The following PTPRK variants were observed in gnomAD, a reference collection of about 807,000 sequenced individuals.
PTPRK encodes the protein protein tyrosine phosphatase receptor type K.
In PTPRK, 75 loss-of-function variants were observed where a neutral mutation model predicts 178.0. The ratio of observed to expected loss-of-function variants is 0.42; its 90% confidence interval spans 0.35 to 0.51. The LOEUF is 0.51. PTPRK is among the 20% of genes least tolerant of loss of function. The pLI, the probability that PTPRK is intolerant of heterozygous loss-of-function variation, is 0.02. For missense variants in PTPRK, 1,441 were observed against 1,797.8 expected (o/e 0.80, Z 3.59); for synonymous variants, 637 against 620.6 (o/e 1.03, Z -0.39).
chr6:127,975,613 G>A (rs1774456174), intron 27 of PTPRK, among the ~76,000 whole-genome samples: 1 of 152,142 alleles, frequency 6.6e-6, no homozygotes, highest in Non-Finnish European at 1.5e-5. Context: ...TTTCATGAAA[G>A]TTACTAATGT....
intron 1 of PTPRK, 132 bp from the exon 2 acceptor site, chr6:128,397,820 T>C: frequency 2.4e-6 from 2 of 849,498 alleles, no homozygotes; most frequent in East Asian, 2.7e-5. Context: ...TACTCCTGTT[T>C]ATCACTATTC....
chr6:128,380,940 G>A (rs543177079), intron 2 of PTPRK, among the ~76,000 whole-genome samples: 3 of 152,272 alleles, frequency 2.0e-5, no homozygotes, highest in East Asian at 3.9e-4. Flanking sequence ...ATCTGTTTGT[G>A]CAACAGAATA....
chr6:128,064,548 G>C (rs768000346), intron 13 of PTPRK, among the ~76,000 whole-genome samples: 1 of 152,116 alleles, frequency 6.6e-6, no homozygotes, highest in Non-Finnish European at 1.5e-5. Context: ...AGGTTTTCTA[G>C]ATCTTTCCTG....
chr6:128,330,219 T>C (rs1210923737), intron 2 of PTPRK, among the ~76,000 whole-genome samples: 1 of 152,206 alleles, frequency 6.6e-6, no homozygotes, highest in Non-Finnish European at 1.5e-5. Context: ...AAATCATGAT[T>C]TGGGTCTCAG....
At chr6:128,156,907 C>T (rs992929737) in intron 7 of PTPRK, among the ~76,000 whole-genome samples, 1 of 151,850 alleles carries the variant, frequency 6.6e-6, no homozygotes, top group African/African-American at 2.4e-5. Flanking sequence ...CTGCCTGAGT[C>T]CTTTTAATAA....
intron 2 of PTPRK, among the ~76,000 whole-genome samples, chr6:128,375,916 G>A (rs1430448064): frequency 6.6e-6 from 1 of 152,176 alleles, no homozygotes; most frequent in Non-Finnish European, 1.5e-5. Context: ...TTGAATCCAT[G>A]TCTCACATCC....
At chr6:128,446,315 A>G (rs1177319394) in intron 1 of PTPRK, among the ~76,000 whole-genome samples, 3 of 152,238 alleles carry the variant, frequency 2.0e-5, no homozygotes, top group African/African-American at 7.2e-5. Context: ...AATAGAAGTC[A>G]TGGATTCCAA....
chr6:128,334,867 T>G (rs957476937), intron 2 of PTPRK, among the ~76,000 whole-genome samples: 1 of 152,064 alleles, frequency 6.6e-6, no homozygotes, highest in African/African-American at 2.4e-5. Flanking sequence ...AGGAGGACTG[T>G]TCACGAGGTC....
intron 1 of PTPRK, among the ~76,000 whole-genome samples, chr6:128,469,040 G>A (rs1850263468): frequency 2.0e-5 from 3 of 151,774 alleles, no homozygotes. Context: ...GAAGTATTTA[G>A]GTGATAGCAA....
chr6:128,103,354 C>T (rs557643763), intron 7 of PTPRK, among the ~76,000 whole-genome samples: 3 of 152,116 alleles, frequency 2.0e-5, no homozygotes, highest in Admixed American at 2.0e-4. Flanking sequence ...GGACACCAGA[C>T]AAAGACCCGG....
intron 2 of PTPRK, among the ~76,000 whole-genome samples, chr6:128,335,210 G>T (rs1197430755): frequency 6.6e-6 from 1 of 152,128 alleles, no homozygotes; most frequent in Non-Finnish European, 1.5e-5. Context: ...TCTTACTGAT[G>T]AAAATCTGAG....
At chr6:128,477,172 G>A (rs1159513299) in intron 1 of PTPRK, among the ~76,000 whole-genome samples, 1 of 152,034 alleles carries the variant, frequency 6.6e-6, no homozygotes, top group East Asian at 1.9e-4. Flanking sequence ...ATTTCAGGAA[G>A]CTAACAAATT....
intron 1 of PTPRK, among the ~76,000 whole-genome samples, chr6:128,398,451 T>C (rs1840626328): frequency 6.6e-6 from 1 of 152,186 alleles, no homozygotes; most frequent in Admixed American, 6.5e-5. Flanking sequence ...CTCCGGACCC[T>C]ATTCTCCTGC....
At chr6:128,318,422 A>AT (rs1248311595) in intron 3 of PTPRK, among the ~76,000 whole-genome samples, 2 of 151,916 alleles carry the variant, frequency 1.3e-5, no homozygotes, top group African/African-American at 2.4e-5. Context: ...CAATTCTTAC[A>AT]TTTTTTTTCA....
chr6:127,991,198 T>G, intron 20 of PTPRK, 96 bp downstream of exon 20: 1 of 948,612 alleles, frequency 1.1e-6, no homozygotes, highest in Non-Finnish European at 1.5e-6. Context: ...TAATTTTTTT[T>G]AAACAATTGG....
intron 6 of PTPRK, among the ~76,000 whole-genome samples, chr6:128,186,098 A>C (rs1802721918): frequency 6.6e-6 from 1 of 152,172 alleles, no homozygotes; most frequent in African/African-American, 2.4e-5. Context: ...CAAAATTCAT[A>C]TGATAAATAT....
chr6:128,396,748 C>T (rs1015040830), intron 2 of PTPRK, among the ~76,000 whole-genome samples: 3 of 152,044 alleles, frequency 2.0e-5, no homozygotes, highest in African/African-American at 7.2e-5. Context: ...GCTTGTAATC[C>T]CAGCAGTTTG....
At chr6:128,364,108 G>C (rs990992767) in intron 2 of PTPRK, among the ~76,000 whole-genome samples, 2 of 151,702 alleles carry the variant, frequency 1.3e-5, no homozygotes, top group Non-Finnish European at 2.9e-5. Flanking sequence ...ATATTACATA[G>C]CCATTTATCA....
At chr6:128,166,588 T>C (rs1799437817) in intron 7 of PTPRK, among the ~76,000 whole-genome samples, 1 of 151,724 alleles carries the variant, frequency 6.6e-6, no homozygotes, top group Non-Finnish European at 1.5e-5. Context: ...CTGTAGTAAT[T>C]GATACAGATT....
Sources: allele counts gnomAD v4.1 joint callset (sites outside exome capture counted in the v4.1 genomes callset), GRCh38; gene constraint gnomAD v4.1.1; transcripts MANE v1.5; gene names NCBI Gene and HGNC (gene_info 2026-07-23, HGNC 2026-07-21).